ZFPM2: variants seen among roughly 807,000 people sequenced by gnomAD.
ZFPM2 encodes zinc finger protein ZFPM2.
A neutral mutation model predicts 98.6 loss-of-function variants in ZFPM2; 20 were observed. The ratio of observed to expected loss-of-function variants is 0.20; its 90% CI spans 0.14 to 0.29. The LOEUF (loss-of-function observed/expected upper bound fraction) is 0.29. Ranked by LOEUF, ZFPM2 falls within the 10% of genes least tolerant of loss-of-function variation. The probability of loss-of-function intolerance (pLI) is 1.00; values close to 1 mark genes in which losing one functional copy is unlikely to be tolerated. For synonymous variants in ZFPM2, 518 were observed against 502.7 expected, an observed-to-expected ratio of 1.03 and a Z score of -0.41; for missense variants, 1,310 against 1,388.6, an observed-to-expected ratio of 0.94 and a Z score of 0.90.
intron 5 of ZFPM2, among the ~76,000 whole-genome samples, chr8:105,688,734 T>G (rs568534746): frequency 2.0e-5 from 3 of 152,170 alleles, no homozygotes; most frequent in Non-Finnish European, 4.4e-5. Flanking sequence ...CATATGTTTT[T>G]GAATAGACAT....
At chr8:105,695,958 T>A (rs1306080179) in intron 5 of ZFPM2, among the ~76,000 whole-genome samples, 1 of 152,194 alleles carries the variant, frequency 6.6e-6, no homozygotes, top group Non-Finnish European at 1.5e-5. Context: ...GCAGAATCTT[T>A]GTCTTACTTT....
chr8:105,677,723 A>G (rs1586192048), intron 5 of ZFPM2, among the ~76,000 whole-genome samples: 1 of 152,272 alleles, frequency 6.6e-6, no homozygotes, highest in East Asian at 1.9e-4. Flanking sequence ...AATAAAGTCT[A>G]AATGTGACCC....
intron 1 of ZFPM2, among the ~76,000 whole-genome samples, chr8:105,363,341 C>G (rs1430279276): frequency 6.6e-6 from 1 of 152,082 alleles, no homozygotes; most frequent in Non-Finnish European, 1.5e-5. Context: ...TTTACAAGAT[C>G]ATTTGCTATG....
chr8:105,423,512 C>T (rs1811845024), intron 2 of ZFPM2, among the ~76,000 whole-genome samples: 1 of 152,084 alleles, frequency 6.6e-6, no homozygotes, highest in African/African-American at 2.4e-5. Context: ...GGCATCTTGC[C>T]TTACAGTATC....
At position 105,415,299 on chromosome 8, in the gene ZFPM2, C is replaced by T. The variant is rs140318673; in HGVS notation, c.41-3845C>T. On this transcript the variant is annotated intron_variant, in intron 1 of 7. Transcript: ENST00000407775. ...TTGAGGATGTAAAACTAATCACTAG[C>T]ATTTTTAAATGAGGTAAATATTCAT... Among the ~76,000 whole-genome samples, 3 of 152,116 alleles carry T rather than the reference C, an allele frequency of 2.0e-5. No individual in the cohort carries two copies. In the East Asian group the frequency reaches 5.8e-4, roughly 29 times the overall value.
chr8:105,709,304 A>G (rs1175987315), intron 5 of ZFPM2, among the ~76,000 whole-genome samples: 1 of 152,234 alleles, frequency 6.6e-6, no homozygotes, highest in Non-Finnish European at 1.5e-5. Flanking sequence ...ATTTAAAAAC[A>G]TGGCTATTTT....
At chr8:105,548,603 G>T (rs1161473812) in intron 3 of ZFPM2, among the ~76,000 whole-genome samples, 1 of 151,956 alleles carries the variant, frequency 6.6e-6, no homozygotes, top group Non-Finnish European at 1.5e-5. Flanking sequence ...GTGTTAAAAT[G>T]CTTGACATTC....
chr8:105,337,109 A>G (rs2129645912), intron 1 of ZFPM2, among the ~76,000 whole-genome samples: 1 of 151,874 alleles, frequency 6.6e-6, no homozygotes, highest in East Asian at 1.9e-4. Flanking sequence ...AATCCCAGAC[A>G]TACTTTATTA....
chr8:105,528,181 T>C (rs1404341796), intron 3 of ZFPM2, among the ~76,000 whole-genome samples: 4 of 152,116 alleles, frequency 2.6e-5, no homozygotes, highest in Admixed American at 1.3e-4. Context: ...GAGGGGTGTA[T>C]TTTGAGCTTG....
chr8:105,673,592 G>A (rs1817637671), intron 5 of ZFPM2, among the ~76,000 whole-genome samples: 2 of 151,980 alleles, frequency 1.3e-5, no homozygotes, highest in East Asian at 1.9e-4. Context: ...TGCCAGCTAG[G>A]TTCATAAAGA....
At chr8:105,453,344 A>G (rs1161932082) in intron 3 of ZFPM2, among the ~76,000 whole-genome samples, 1 of 152,226 alleles carries the variant, frequency 6.6e-6, no homozygotes, top group Non-Finnish European at 1.5e-5. Flanking sequence ...GTTCTCTAGA[A>G]GTAACTTAAA....
At chr8:105,756,978 G>C (rs1460360145) in intron 5 of ZFPM2, among the ~76,000 whole-genome samples, 2 of 152,144 alleles carry the variant, frequency 1.3e-5, no homozygotes, top group Non-Finnish European at 2.9e-5. Context: ...TGTGACAAAT[G>C]AAATTAGGGT....
chr8:105,788,736 C>T lies in ZFPM2; in HGVS notation c.551C>T (p.Thr184Ile). 1 of 1,613,928 alleles carries T rather than the reference C, an allele frequency of 6.2e-7. No homozygotes were observed. Residue 184 changes from threonine (T) to isoleucine (I), a missense_variant, in exon 6 of 8, where the codon ACA becomes ATA. Physicochemically the swap from Thr to Ile is moderately conservative, Grantham distance 89. Transcript: ENST00000407775. ...VYSKGGQLWC[T>I]TTKAISEGEE... ...TTAATAGGGGGTCAGCTTTGGTGTACAACTACGAAGGCCATCTCTGAGGGT... is the reference window on the plus strand; with the variant it reads ...TTAATAGGGGGTCAGCTTTGGTGTATAACTACGAAGGCCATCTCTGAGGGT...
At chr8:105,576,581 T>A (rs920486130) in intron 4 of ZFPM2, among the ~76,000 whole-genome samples, 1 of 152,148 alleles carries the variant, frequency 6.6e-6, no homozygotes, top group Non-Finnish European at 1.5e-5. Flanking sequence ...CAAAGAAAGA[T>A]AGAAGAAAAG....
chr8:105,495,482 A>G (rs1813449017), intron 3 of ZFPM2, among the ~76,000 whole-genome samples: 1 of 151,962 alleles, frequency 6.6e-6, no homozygotes, highest in Non-Finnish European at 1.5e-5. Context: ...TCTTCCACCA[A>G]TTTATTTGAC....
chr8:105,583,440 T>C (rs369491939), intron 4 of ZFPM2, among the ~76,000 whole-genome samples: 4 of 152,214 alleles, frequency 2.6e-5, no homozygotes, highest in East Asian at 3.9e-4. Flanking sequence ...AGAAAAAAAA[T>C]AGAGCAACAA....
intron 1 of ZFPM2, among the ~76,000 whole-genome samples, chr8:105,327,786 G>T (rs1178680873): frequency 6.6e-6 from 1 of 151,680 alleles, no homozygotes; most frequent in Non-Finnish European, 1.5e-5. Context: ...TAGATTAATT[G>T]TAGCATATTT....
At chr8:105,547,832 T>C (rs570965296) in intron 3 of ZFPM2, among the ~76,000 whole-genome samples, 1 of 152,226 alleles carries the variant, frequency 6.6e-6, no homozygotes, top group South Asian at 2.1e-4. Context: ...CTGATATTAT[T>C]TATTAAAGTT....
intron 2 of ZFPM2, among the ~76,000 whole-genome samples, chr8:105,430,109 T>A (rs553228151): frequency 1.3e-5 from 2 of 152,324 alleles, no homozygotes; most frequent in African/African-American, 4.8e-5. Context: ...GTACGGTTTA[T>A]CTGAGAAAGA....
Sources: allele counts gnomAD v4.1 joint callset (sites outside exome capture counted in the v4.1 genomes callset), GRCh38; gene constraint gnomAD v4.1.1; transcripts MANE v1.5; gene names NCBI Gene and HGNC (gene_info 2026-07-23, HGNC 2026-07-21).